CTBP2: variants seen among roughly 807,000 people sequenced by gnomAD.
CTBP2 encodes C-terminal binding protein 2.
In CTBP2, 30 loss-of-function variants were observed where a neutral mutation model predicts 80.3. The ratio of observed to expected loss-of-function variants is 0.37; its 90% CI spans 0.28 to 0.51. CTBP2 has a LOEUF of 0.51. Among genes scored for constraint, CTBP2 ranks in the 20% least tolerant of loss-of-function variants. The pLI is 0.93. For synonymous variants in CTBP2, 594 were observed against 587.4 expected, an observed-to-expected ratio of 1.01 and a Z score of -0.16; for missense variants, 1,212 against 1,375.3, an observed-to-expected ratio of 0.88 and a Z score of 1.88.
chr10:124,999,755 G>A (rs765102650), intron 3 of CTBP2: 8 of 152,284 alleles, frequency 5.3e-5, no homozygotes, highest in Non-Finnish European at 1.2e-4. Context: ...CAGCAGAGAA[G>A]CTGGGGCTTG....
chr10:125,032,974 C>G (rs1042779675), upstream of CTBP2: 5 of 153,578 alleles, frequency 3.3e-5, no homozygotes, highest in Non-Finnish European at 5.9e-5. Flanking sequence ...CCACCTGAGC[C>G]TGCACACGGA....
At chr10:125,077,598 C>A (rs757781009) in intron 2 of CTBP2, among the ~76,000 whole-genome samples, 1 of 152,206 alleles carries the variant, frequency 6.6e-6, no homozygotes, top group Non-Finnish European at 1.5e-5. Flanking sequence ...CATCCAACAG[C>A]ACATTCTGGA....
At chr10:125,057,692 AG>A (rs1344632502) in intron 2 of CTBP2, among the ~76,000 whole-genome samples, 2 of 152,266 alleles carry the variant, frequency 1.3e-5, no homozygotes, top group Admixed American at 6.5e-5. Flanking sequence ...CTGGAAAAAC[AG>A]GAAGTCCTGG....
Position 125,026,412 on chromosome 10 carries a change from G to C in CTBP2, c.1348C>G (p.Arg450Gly). 6.2e-7 allele frequency: 1 copy of C among 1,607,460 alleles called. No individual in the cohort carries two copies. Among genetic ancestry groups the C allele is most frequent in the Non-Finnish European group, 8.5e-7 (1 of 1,175,146 alleles). Residue 450 changes from arginine to glycine, a missense_variant, in exon 1 of 9, where the codon CGT becomes GGT. Around this residue, in one of 3 missense-constraint regions of CTBP2, gnomAD observed 848 missense variants for 782.3 expected, o/e 1.08. Transcript: ENST00000309035. ...TGCAGGGGGTACGTGGGGCTCAGAC[G>C]CGCTGTCAGGGCGCAAGGGGTGGGA... is the stretch of plus-strand genomic sequence containing the variant.
chr10:125,053,716 A>G (rs1963298082), intron 2 of CTBP2, among the ~76,000 whole-genome samples: 1 of 152,158 alleles, frequency 6.6e-6, no homozygotes, highest in Non-Finnish European at 1.5e-5. Flanking sequence ...ATGGGAGGGG[A>G]GATCTCAGCC....
intron 1 of CTBP2, among the ~76,000 whole-genome samples, chr10:125,157,045 C>A (rs1350604752): frequency 6.6e-6 from 1 of 152,134 alleles, no homozygotes; most frequent in Non-Finnish European, 1.5e-5. Context: ...ATGTCACTGG[C>A]GTGTTTTTTA....
At chr10:125,025,969 T>A in intron 1 of CTBP2, 1 of 1,326,662 alleles carries the variant, frequency 7.5e-7, no homozygotes, top group African/African-American at 1.5e-5. Context: ...GTGGTGTGTG[T>A]GTGTGTGGCC....
At chr10:125,081,566 A>T (rs191891346) in intron 2 of CTBP2, among the ~76,000 whole-genome samples, 207 of 152,324 alleles carry the variant, frequency 1.4e-3, no homozygotes, top group African/African-American at 4.6e-3. Flanking sequence ...CAAATGTGGT[A>T]AAATGTCATT....
intron 8 of CTBP2, 101 bp from the exon 11 acceptor site, chr10:124,989,799 T>C (rs1439217934): frequency 8.5e-7 from 1 of 1,178,586 alleles, no homozygotes; most frequent in Non-Finnish European, 1.2e-6. Flanking sequence ...AGGAGCCCAG[T>C]GACATGAACA....
At chr10:125,063,304 TAAGA>T in intron 2 of CTBP2, among the ~76,000 whole-genome samples, 2 of 152,248 alleles carry the variant, frequency 1.3e-5, no homozygotes, top group South Asian at 4.1e-4. Context: ...ACATCATACT[TAAGA>T]AATACGGAGA....
intron 2 of CTBP2, among the ~76,000 whole-genome samples, chr10:125,088,526 C>T (rs1224435928): frequency 6.6e-6 from 1 of 152,152 alleles, no homozygotes; most frequent in Non-Finnish European, 1.5e-5. Flanking sequence ...CTCAATCAGC[C>T]TCAGAGCATG....
chr10:125,011,017 A>G (rs1411260820), intron 1 of CTBP2, among the ~76,000 whole-genome samples: 2 of 152,202 alleles, frequency 1.3e-5, no homozygotes, highest in African/African-American at 4.8e-5. Flanking sequence ...TTTATGGCAA[A>G]GGTTTCATGT....
chr10:125,119,476 G>A, intron 1 of CTBP2, among the ~76,000 whole-genome samples: 1 of 152,162 alleles, frequency 6.6e-6, no homozygotes, highest in East Asian at 1.9e-4. Context: ...GCTGTACAGG[G>A]ATATGTCAGA....
At chr10:125,009,543 G>A (rs768328269) in intron 1 of CTBP2, among the ~76,000 whole-genome samples, 3 of 152,192 alleles carry the variant, frequency 2.0e-5, no homozygotes, top group Non-Finnish European at 4.4e-5. Flanking sequence ...CCCCAATTAA[G>A]TGGCCGCTTT....
At chr10:125,159,863 C>G (rs1427871508) in intron 1 of CTBP2, 2 of 151,298 alleles carry the variant, frequency 1.3e-5, no homozygotes, top group African/African-American at 4.9e-5. Flanking sequence ...CCACCGGGCT[C>G]AGGGAGCAGG....
intron 1 of CTBP2, among the ~76,000 whole-genome samples, chr10:125,152,238 C>T (rs1860105780): frequency 6.6e-6 from 1 of 152,140 alleles, no homozygotes; most frequent in Non-Finnish European, 1.5e-5. Flanking sequence ...CCCGGGACCC[C>T]GGGACCCCAG....
intron 3 of CTBP2, among the ~76,000 whole-genome samples, chr10:125,002,057 G>A (rs141880084): frequency 3.5e-4 from 54 of 152,322 alleles, no homozygotes; most frequent in African/African-American, 9.9e-4. Flanking sequence ...GGGAAATAGC[G>A]CCTGGGCTAT....
Position 124,988,319 on chromosome 10 carries a change from A to C in CTBP2, c.*1199T>G, listed in dbSNP as rs1429870984. The C allele has an allele frequency of 6.6e-6, 1 of 152,658 alleles. No homozygotes were observed. Among genetic ancestry groups the C allele is most frequent in the Non-Finnish European group, 1.5e-5 (1 of 68,044 alleles). The allele number at this position is 152,658 out of a possible 1,614,324, so 9.5% of individuals were successfully genotyped here. The stretch of plus-strand genomic sequence containing the variant: ...CATTTACATTAGTGAGATGTACTTG[A>C]ATTTCAGAACTTAACAAATTTTAAT... On this transcript the variant is annotated 3_prime_UTR_variant, in exon 9 of 9. Transcript: ENST00000309035.
chr10:125,131,514 T>G (rs1370141241), intron 1 of CTBP2, among the ~76,000 whole-genome samples: 1 of 152,118 alleles, frequency 6.6e-6, no homozygotes, highest in Non-Finnish European at 1.5e-5. Flanking sequence ...GGCTGGTGAA[T>G]GGGAGACGGC....
Sources: allele counts gnomAD v4.1 joint callset (sites outside exome capture counted in the v4.1 genomes callset), GRCh38; gene constraint gnomAD v4.1.1; regional missense constraint gnomAD v4.1.1; transcripts MANE v1.5; gene names NCBI Gene and HGNC (gene_info 2026-07-23, HGNC 2026-07-21).